OTOGL: variants seen among roughly 807,000 people sequenced by gnomAD.
OTOGL encodes the protein otogelin-like protein.
OTOGL carries 285 observed loss-of-function variants against 318.5 expected under a neutral mutation model. The ratio of observed to expected loss-of-function variants is 0.89; its 90% CI spans 0.81 to 0.99. The LOEUF (loss-of-function observed/expected upper bound fraction) is 0.99. Ranked by LOEUF, OTOGL falls within the 50% of genes least tolerant of loss-of-function variation. The pLI, the probability that OTOGL is intolerant of heterozygous loss-of-function variation, is 0.00. For missense variants in OTOGL, 2,899 were observed against 2,845.6 expected (o/e 1.02, Z -0.43); for synonymous variants, 987 against 936.5 (o/e 1.05, Z -0.99).
chr12:80,148,117 G>T (rs1184439333), intron 1 of OTOGL, among the ~76,000 whole-genome samples: 1 of 151,326 alleles, frequency 6.6e-6, no homozygotes, highest in Non-Finnish European at 1.5e-5. Flanking sequence ...TGGTGATTTT[G>T]CTCGTTAGTT....
In OTOGL at chr12:80,358,845, AT is replaced by A; in HGVS notation, c.6227-10del. On this transcript the variant is annotated splice_polypyrimidine_tract_variant and intron_variant, in intron 51 of 58. Coordinates refer to ENST00000547103, the MANE Select transcript of OTOGL (RefSeq NM_001378609.3). The stretch of plus-strand genomic sequence containing the variant: ...TATTTTGATCAATGTAAATATGTTG[AT>A]TTTTGCCTTTTAGAATGTAACTGTG... The A allele has an allele frequency of 6.5e-7, 1 of 1,530,118 alleles. No individual in the cohort carries two copies. Among genetic ancestry groups the A allele is most frequent in the Non-Finnish European group, 8.8e-7 (1 of 1,134,802 alleles). 94.8% of individuals were successfully genotyped at this position (1,530,118 alleles called of 1,614,324 possible).
intron 37 of OTOGL, among the ~76,000 whole-genome samples, chr12:80,329,984 C>T (rs568700492): frequency 4.6e-5 from 7 of 152,056 alleles, no homozygotes; most frequent in South Asian, 4.1e-4. Context: ...TAATCGAAGA[C>T]AGAAGTTGGG....
intron 1 of OTOGL, among the ~76,000 whole-genome samples, chr12:80,109,216 A>G (rs1188417120): frequency 2.6e-5 from 4 of 152,064 alleles, no homozygotes; most frequent in South Asian, 2.1e-4. Context: ...TTTTATTGCT[A>G]TGAAGCTATT....
intron 1 of OTOGL, among the ~76,000 whole-genome samples, chr12:80,159,405 C>T (rs57891284): frequency 0.059 from 8,972 of 152,052 alleles, 838 homozygotes; most frequent in African/African-American, 0.2. Flanking sequence ...GTCAATAGGA[C>T]GGTACAAATT....
chr12:80,261,277 A>G (rs1882502550), intron 18 of OTOGL, among the ~76,000 whole-genome samples: 1 of 152,084 alleles, frequency 6.6e-6, no homozygotes. Context: ...AGTGTCTGGC[A>G]CATTGTCCAA....
intron 2 of OTOGL, among the ~76,000 whole-genome samples, 153 bp downstream of exon 2, chr12:80,209,663 A>G (rs1356133181): frequency 6.6e-6 from 1 of 152,148 alleles, no homozygotes; most frequent in Admixed American, 6.6e-5. Flanking sequence ...AATTCTTAAT[A>G]ATGTAGATAA....
chr12:80,251,293 A>T (rs531088543), intron 11 of OTOGL, among the ~76,000 whole-genome samples: 2 of 152,194 alleles, frequency 1.3e-5, no homozygotes, highest in Non-Finnish European at 2.9e-5. Flanking sequence ...TTTTGTGGTG[A>T]TAGAATTTTA....
Position 80,302,780 on chromosome 12 carries a change from GA to G in OTOGL, c.3212del (p.Lys1071ArgfsTer19). 6.7e-7 allele frequency: 1 copy of G among 1,491,106 alleles called. No individual in the cohort carries two copies. The highest frequency in any genetic ancestry group is 8.9e-7 in the Non-Finnish European group (1 of 1,127,870). The allele number at this position is 1,491,106 out of a possible 1,614,324, so 92.4% of individuals were successfully genotyped here. A position where few individuals can be genotyped will look rare whatever the true frequency, so the allele number is the denominator to read the frequency against. ...TTCATATCAAAGTTGGGCCACAGTG[GA>G]AGGTAGGTCAACCTAAGCTCCAAAT... ...TIHIKVGPQW[K>X]NKLSGLCGNF... is the part of the protein sequence containing the mutation. On this transcript the variant is annotated frameshift_variant and splice_region_variant, in exon 28 of 59. Coordinates refer to ENST00000547103, the MANE Select transcript of OTOGL (RefSeq NM_001378609.3). LOFTEE classifies it high-confidence loss of function.
At chr12:80,305,730 A>C in intron 29 of OTOGL, 35 bp downstream of exon 29, 1 of 1,411,558 alleles carries the variant, frequency 7.1e-7, no homozygotes. Context: ...AAGTCAACAA[A>C]AATTTTTAAG....
At chr12:80,154,170 A>G (rs528118831) in intron 1 of OTOGL, among the ~76,000 whole-genome samples, 2 of 152,102 alleles carry the variant, frequency 1.3e-5, no homozygotes, top group Admixed American at 6.5e-5. Flanking sequence ...TTAGCCAGGC[A>G]TGGTGGCTCA....
At chr12:80,308,144 G>A (rs866676174) in intron 29 of OTOGL, among the ~76,000 whole-genome samples, 1,840 of 148,922 alleles carry the variant, frequency 0.012, 57 homozygotes, top group African/African-American at 0.044. Context: ...CGGGCGGGGG[G>A]CTGACACCCC....
chr12:80,103,780 A>G (rs993476447), intron 1 of OTOGL, among the ~76,000 whole-genome samples: 6 of 152,220 alleles, frequency 3.9e-5, no homozygotes, highest in Admixed American at 1.3e-4. Context: ...AAAAATGCCT[A>G]TACCTTTGCA....
At chr12:80,246,514 C>T (rs1880906285) in intron 11 of OTOGL, among the ~76,000 whole-genome samples, 1 of 113,148 alleles carries the variant, frequency 8.8e-6, no homozygotes, top group Non-Finnish European at 1.7e-5. Context: ...GGATGAAGCC[C>T]ACTTGATCAT....
intron 49 of OTOGL, 96 bp from the exon 50 acceptor site, chr12:80,358,148 TAAAC>T (rs1296308894): frequency 2.9e-5 from 23 of 792,350 alleles, no homozygotes; most frequent in Admixed American, 2.5e-4. Context: ...ACTATTTTCT[TAAAC>T]AAAATTGATT....
chr12:80,249,245 G>T (rs1342871280), intron 11 of OTOGL, among the ~76,000 whole-genome samples: 5 of 150,274 alleles, frequency 3.3e-5, no homozygotes, highest in East Asian at 1.9e-4. Context: ...GGCGCTCTGC[G>T]TTTTAGAGTT....
At chr12:80,165,250 A>G (rs529905869) in intron 1 of OTOGL, among the ~76,000 whole-genome samples, 2 of 152,312 alleles carry the variant, frequency 1.3e-5, no homozygotes, top group South Asian at 4.1e-4. Flanking sequence ...GATTGAAATG[A>G]CATGTGCTTT....
At chr12:80,377,711 G>A (rs114440469) in intron 58 of OTOGL, 137 bp from the exon 59 acceptor site, 39 of 685,890 alleles carry the variant, frequency 5.7e-5, no homozygotes, top group Middle Eastern at 8.1e-4. Context: ...TGTTTTTTAC[G>A]ATCTTGCAAC....
At chr12:80,217,486 C>A in intron 4 of OTOGL, 112 bp from the exon 5 acceptor site, 7 of 749,734 alleles carry the variant, frequency 9.3e-6, no homozygotes, top group South Asian at 7.3e-5. Flanking sequence ...AATATAAAGT[C>A]AGCACTTTAT....
At chr12:80,311,863 A>G (rs1886656024) in intron 30 of OTOGL, among the ~76,000 whole-genome samples, 1 of 152,156 alleles carries the variant, frequency 6.6e-6, no homozygotes, top group Non-Finnish European at 1.5e-5. Flanking sequence ...ATACTTAATG[A>G]GTTTTTTGTT....
Sources: allele counts gnomAD v4.1 joint callset (sites outside exome capture counted in the v4.1 genomes callset), GRCh38; gene constraint gnomAD v4.1.1; transcripts MANE v1.5; gene names NCBI Gene and HGNC (gene_info 2026-07-23, HGNC 2026-07-21).